The following BRAF variants were observed in gnomAD, a reference collection of about 807,000 sequenced individuals.
BRAF encodes B-Raf proto-oncogene, serine/threonine kinase, also known as serine/threonine-protein kinase B-raf.
Under a neutral mutation model 104.6 loss-of-function variants are expected in BRAF, and 16 were observed. That is an observed-to-expected ratio of 0.15 (90% CI 0.10 to 0.23). The LOEUF (loss-of-function observed/expected upper bound fraction) is 0.23, where lower values mean the gene tolerates loss of function less well. Ranked by LOEUF, BRAF falls within the 10% of genes least tolerant of loss-of-function variation. The pLI is 1.00. For synonymous variants in BRAF, 310 were observed against 341.6 expected, an observed-to-expected ratio of 0.91 and a Z score of 1.02; for missense variants, 541 against 937.3, an observed-to-expected ratio of 0.58 and a Z score of 5.52.
intron 2 of BRAF, among the ~76,000 whole-genome samples, chr7:140,841,062 TA>T (rs1213339064): frequency 6.6e-6 from 1 of 152,036 alleles, no homozygotes; most frequent in Non-Finnish European, 1.5e-5. Flanking sequence ...CCAGTTTTTT[TA>T]AGTGGGCAAA....
intron 14 of BRAF, among the ~76,000 whole-genome samples, chr7:140,760,818 G>A (rs1798645021): frequency 6.6e-6 from 1 of 152,068 alleles, no homozygotes. Context: ...ATGAAATGAA[G>A]CGAGAAGGGA....
At chr7:140,874,966 G>T (rs1812051956) in intron 1 of BRAF, among the ~76,000 whole-genome samples, 1 of 152,084 alleles carries the variant, frequency 6.6e-6, no homozygotes, top group South Asian at 2.1e-4. Flanking sequence ...TGAGAGATAT[G>T]CCTGCTTCCC....
chr7:140,782,917 C>A, intron 11 of BRAF, 104 bp downstream of exon 10: 2 of 1,336,076 alleles, frequency 1.5e-6, no homozygotes, highest in South Asian at 2.7e-5. Context: ...TATGGGAATT[C>A]TGTGTCACAT....
At chr7:140,799,611 C>A in intron 7 of BRAF, 1 of 232,564 alleles carries the variant, frequency 4.3e-6, no homozygotes, top group East Asian at 6.1e-5. Flanking sequence ...TGCTTCTATT[C>A]CCTAGGCCCG....
At chr7:140,758,835 C>G (rs983134508) in intron 14 of BRAF, among the ~76,000 whole-genome samples, 2 of 152,230 alleles carry the variant, frequency 1.3e-5, no homozygotes, top group African/African-American at 4.8e-5. Flanking sequence ...TTAAAAGTTT[C>G]AACACACACA....
chr7:140,843,836 T>C (rs1808257086), intron 2 of BRAF, among the ~76,000 whole-genome samples: 1 of 151,860 alleles, frequency 6.6e-6, no homozygotes. Flanking sequence ...AAACCCAGTC[T>C]CTACTAAAAA....
intron 17 of BRAF, chr7:140,740,185 C>G: frequency 2.0e-6 from 1 of 489,846 alleles, no homozygotes; most frequent in South Asian, 2.2e-5. Context: ...TAATTGCTCC[C>G]CTGCTTTTGG....
In BRAF at chr7:140,721,533, G is replaced by A. The variant is rs1420213062; in HGVS notation, c.*4961C>T. 7.0e-7 allele frequency: 1 copy of A among 1,436,082 alleles called. No individual in the cohort carries two copies. Among genetic ancestry groups the A allele is most frequent in the Admixed American group, 2.7e-5 (1 of 37,064 alleles). 89.0% of individuals were successfully genotyped at this position (1,436,082 alleles called of 1,614,324 possible). The stretch of plus-strand genomic sequence containing the variant: ...TACTAATAAAACAAACATCTTACCA[G>A]TATTTTTAATTTTACCAGAGCTAGC... On this transcript the variant is annotated 3_prime_UTR_variant, in exon 20 of 20. Transcript: ENST00000644969.
intron 17 of BRAF, chr7:140,741,421 C>T (rs1796907494): frequency 6.6e-6 from 1 of 152,194 alleles, no homozygotes; most frequent in Non-Finnish European, 1.5e-5. Context: ...CCCTCCCTCA[C>T]CCTTCTCTAG....
At position 140,834,539 on chromosome 7, in the gene BRAF, A is replaced by C; in HGVS notation, c.504+70T>G. The stretch of plus-strand genomic sequence containing the variant: ...TCTGAGTATGAAGTAATAATATATT[A>C]ATTTTCAACAACTGATCTGTCTGAA... On this transcript the variant is annotated intron_variant, in intron 3 of 19. Transcript: ENST00000644969. 7 of 1,578,874 alleles carry C rather than the reference A, an allele frequency of 4.4e-6. No individual in the cohort carries two copies. In the South Asian group the frequency reaches 7.8e-5, roughly 18 times the overall value.
At chr7:140,767,232 G>C (rs981277103) in intron 14 of BRAF, among the ~76,000 whole-genome samples, 1 of 152,046 alleles carries the variant, frequency 6.6e-6, no homozygotes, top group Admixed American at 6.6e-5. Flanking sequence ...TTGAACTCCT[G>C]AGCTCAAGCA....
At chr7:140,880,119 G>T (rs1812728779) in intron 1 of BRAF, among the ~76,000 whole-genome samples, 1 of 152,172 alleles carries the variant, frequency 6.6e-6, no homozygotes. Flanking sequence ...AGGCAATATG[G>T]TCTGATAGCA....
At chr7:140,717,414 G>A (rs1795154612), downstream of BRAF, among the ~76,000 whole-genome samples, 1 of 152,128 alleles carries the variant, frequency 6.6e-6, no homozygotes, top group Non-Finnish European at 1.5e-5. Flanking sequence ...GGGATCACAG[G>A]TGCGTGACAC....
intron 1 of BRAF, among the ~76,000 whole-genome samples, chr7:140,862,775 T>C (rs1430492843): frequency 3.9e-5 from 6 of 152,164 alleles, no homozygotes; most frequent in Non-Finnish European, 7.4e-5. Flanking sequence ...TTTTGAGTGA[T>C]AAAAATATTC....
At chr7:140,855,040 G>C (rs893924360) in intron 1 of BRAF, among the ~76,000 whole-genome samples, 1 of 152,076 alleles carries the variant, frequency 6.6e-6, no homozygotes, top group Non-Finnish European at 1.5e-5. Flanking sequence ...CCCCAAAGAA[G>C]AGTAATTTTA....
At chr7:140,795,744 C>A (rs537630339) in intron 7 of BRAF, among the ~76,000 whole-genome samples, 15 of 152,112 alleles carry the variant, frequency 9.9e-5, no homozygotes, top group African/African-American at 3.6e-4. Flanking sequence ...AATGAATCCA[C>A]TTAGAATTGA....
intron 5 of BRAF, among the ~76,000 whole-genome samples, chr7:140,805,607 C>T (rs1803581274): frequency 6.6e-6 from 1 of 152,004 alleles, no homozygotes; most frequent in African/African-American, 2.4e-5. Flanking sequence ...GTGAGAGGCA[C>T]AGTCAAGGTA....
intron 5 of BRAF, among the ~76,000 whole-genome samples, chr7:140,804,369 T>G (rs1183577338): frequency 6.7e-6 from 1 of 150,196 alleles, no homozygotes; most frequent in Non-Finnish European, 1.5e-5. Flanking sequence ...CACACCTGGC[T>G]AATTTTTGTA....
In BRAF at chr7:140,720,605, G is replaced by GT. The variant is rs139549830; in HGVS notation, c.*5888dup. 1.2e-3 allele frequency: 1,307 copies of GT among 1,065,506 alleles called. 13 individuals carry two copies. The African/African-American group carries it at 0.02, about 16-fold the overall frequency. The allele number at this position is 1,065,506 out of a possible 1,614,324, so 66.0% of individuals were successfully genotyped here. A position where few individuals can be genotyped will look rare whatever the true frequency, so the allele number is the denominator to read the frequency against. On this transcript the variant is annotated 3_prime_UTR_variant, in exon 20 of 20. Transcript: ENST00000644969. ...ATTGCACTCTTACATTTGATTTCAG[G>GT]TAATTACAGTTTATTTCCCACCCTC...
Sources: gnomAD v4.1 joint callset for allele counts (sites outside exome capture counted in the v4.1 genomes callset) on GRCh38, gnomAD v4.1.1 for gene constraint, MANE v1.5 for transcripts, NCBI Gene and HGNC (gene_info 2026-07-23, HGNC 2026-07-21) for gene names.